SRSF5: variants seen among roughly 807,000 people sequenced by gnomAD.
SRSF5 encodes the protein serine/arginine-rich splicing factor 5.
SRSF5 carries 5 observed loss-of-function variants against 34.0 expected under a neutral mutation model. That is an observed-to-expected ratio of 0.15 (90% CI 0.08 to 0.31). The LOEUF is 0.31. Ranked by LOEUF, SRSF5 falls within the 10% of genes least tolerant of loss-of-function variation. The pLI is 1.00. For synonymous variants in SRSF5, 164 were observed against 117.7 expected, an observed-to-expected ratio of 1.39 and a Z score of -2.55; for missense variants, 223 against 351.4, an observed-to-expected ratio of 0.63 and a Z score of 2.92.
intron 3 of SRSF5, 49 bp from the exon 4 acceptor site, chr14:69,768,749 A>T (rs749680453): frequency 3.7e-6 from 6 of 1,611,876 alleles, no homozygotes; most frequent in South Asian, 2.2e-5. Context: ...TTCTAAGTAG[A>T]TTTATGTAGC....
chr14:69,770,153 G>C, intron 5 of SRSF5: 1 of 1,076,368 alleles, frequency 9.3e-7, no homozygotes. Context: ...TTAAAAATAT[G>C]TACTGTTTCC....
rs1270608134 is a variant in SRSF5 at position 69,767,482 on chromosome 14, C to T, written c.-20+227C>T. On this transcript the variant is annotated intron_variant, in intron 1 of 7. Transcript: ENST00000557154. ...TCGTTTTTACACAGCGGTTGTGCGC[C>T]CGTCCCTGCCAGTCTTAATGTCTTC... 20 of 455,814 alleles carry T rather than the reference C, an allele frequency of 4.4e-5. No homozygotes were observed. The Admixed American group carries it at 4.5e-4, about 10-fold the overall frequency. The allele number at this position is 455,814 out of a possible 1,614,324, so 28.2% of individuals were successfully genotyped here.
intron 1 of SRSF5, chr14:69,767,747 G>A (rs540241751): frequency 5.6e-6 from 2 of 356,422 alleles, no homozygotes; most frequent in African/African-American, 2.2e-5. Flanking sequence ...GCGAGATTCT[G>A]GCTTCCACCC....
At chr14:69,767,313 C>T (rs1273987917) in intron 1 of SRSF5, 58 bp downstream of exon 1, 1 of 442,262 alleles carries the variant, frequency 2.3e-6, no homozygotes, top group African/African-American at 2.1e-5. Flanking sequence ...CATGGCCGCT[C>T]AGATCGTGAG....
intron 1 of SRSF5, chr14:69,767,554 C>G (rs995280345): frequency 4.4e-5 from 20 of 455,978 alleles, no homozygotes; most frequent in African/African-American, 4.0e-4. Context: ...CCTGACTTTG[C>G]TGGCGATGCG....
At position 69,767,813 on chromosome 14, in the gene SRSF5, G is replaced by A. The variant is rs1016630151; in HGVS notation, c.-19-325G>A. 16 of 357,304 alleles carry A rather than the reference G, an allele frequency of 4.5e-5. No individual in the cohort carries two copies. In the East Asian group the frequency reaches 6.9e-4, roughly 15 times the overall value. 22.1% of individuals were successfully genotyped at this position (357,304 alleles called of 1,614,324 possible). On this transcript the variant is annotated intron_variant, in intron 1 of 7. Transcript: ENST00000557154. ...GCTGGCTTTGCGGAGGGCGCGGGCG[G>A]CTCCGCCCGCACTTCTCGGCCTTTC... is the stretch of plus-strand genomic sequence containing the variant.
chr14:69,768,683 C>T lies in SRSF5; in HGVS notation c.197+9C>T, dbSNP rs1246730478. The T allele has an allele frequency of 5.0e-6, 8 of 1,613,956 alleles. No homozygotes were observed. The highest frequency in any genetic ancestry group is 6.8e-6 in the Non-Finnish European group (8 of 1,179,838). On this transcript the variant is annotated intron_variant, in intron 3 of 7. Transcript: ENST00000557154. ...GAACTCTGTAGTGAAAGGTGAGATTCCTGTGTAACTAGATAACCCTGGGAC... is the reference window on the plus strand; with the variant it reads ...GAACTCTGTAGTGAAAGGTGAGATTTCTGTGTAACTAGATAACCCTGGGAC...
At position 69,769,264 on chromosome 14, in the gene SRSF5, AC is replaced by A. The variant is rs760386593; in HGVS notation, c.366+14del. 1.2e-6 allele frequency: 2 copies of A among 1,613,948 alleles called. No individual in the cohort carries two copies. Among genetic ancestry groups the A allele is most frequent in the Non-Finnish European group, 1.7e-6 (2 of 1,179,942 alleles). On this transcript the variant is annotated intron_variant, in intron 5 of 7. Coordinates refer to ENST00000557154, the MANE Select transcript of SRSF5 (RefSeq NM_001320214.2). Reference sequence around the variant, plus strand: ...AGTCAGCTGGCAGGTTTGTTGAAATACAGTTTTGAGTTATTTTGATGTGGCT... The same window carrying A: ...AGTCAGCTGGCAGGTTTGTTGAAATAAGTTTTGAGTTATTTTGATGTGGCT...
At position 69,768,639 on chromosome 14, in the gene SRSF5, G is replaced by A. The variant is rs1289832417; in HGVS notation, c.162G>A (p.Val54=). The A allele has an allele frequency of 9.3e-6, 15 of 1,614,224 alleles. No homozygotes were observed. Among genetic ancestry groups the A allele is most frequent in the Non-Finnish European group, 9.3e-6 (11 of 1,180,040 alleles). ...ATCCAAGGGATGCAGATGATGCTGT[G>A]TATGAGCTTGATGGAAAAGAACTCT... ...FEDPRDADDA[V]YELDGKELCS... The change falls in exon 3 of 8, where the codon GTG becomes GTA. Residue 54 remains valine, a synonymous_variant. Coordinates refer to ENST00000557154, the MANE Select transcript of SRSF5 (RefSeq NM_001320214.2).
At chr14:69,769,513 T>A in intron 5 of SRSF5, 1 of 1,535,536 alleles carries the variant, frequency 6.5e-7, no homozygotes, top group Non-Finnish European at 8.7e-7. Flanking sequence ...TTTGCCAGCC[T>A]GTCTGTGTCG....
rs917639266 is a variant in SRSF5 at position 69,770,334 on chromosome 14, C to G, written c.367-133C>G. The G allele has an allele frequency of 1.2e-5, 18 of 1,448,076 alleles. No individual in the cohort carries two copies. In the African/African-American group the frequency reaches 1.7e-4, roughly 14 times the overall value. 89.7% of individuals were successfully genotyped at this position (1,448,076 alleles called of 1,614,324 possible). On this transcript the variant is annotated intron_variant, in intron 5 of 7. Transcript: ENST00000557154. ...ATAATTTTTGAATTCTGATAGAATA[C>G]AAGTGTGGTAAATGCCATGTTTGTA... is the stretch of plus-strand genomic sequence containing the variant.
intron 6 of SRSF5, 142 bp downstream of exon 6, chr14:69,770,682 C>G (rs916329733): frequency 4.1e-5 from 32 of 777,360 alleles, no homozygotes; most frequent in Non-Finnish European, 5.4e-5. Context: ...CTCCCCCCCA[C>G]ACCTTTGGCA....
rs751132715 is a variant in SRSF5, at chr14:69,768,152, A to T, written c.-5A>T. The stretch of plus-strand genomic sequence containing the variant: ...CTTTCTAATAGGAAGTACTAGCCGG[A>T]CATCATGAGTGGCTGTCGGGTATTC... On this transcript the variant is annotated 5_prime_UTR_variant, in exon 2 of 8. Coordinates refer to ENST00000557154, the MANE Select transcript of SRSF5 (RefSeq NM_001320214.2). The T allele has an allele frequency of 1.9e-6, 3 of 1,614,060 alleles. No homozygotes were observed. In the African/African-American group the frequency reaches 4.0e-5, roughly 22 times the overall value.
Position 69,771,575 on chromosome 14 carries a change from T to G in SRSF5, c.*114T>G. On this transcript the variant is annotated 3_prime_UTR_variant, in exon 8 of 8. Coordinates refer to ENST00000557154, the MANE Select transcript of SRSF5 (RefSeq NM_001320214.2). ...TATGTGCTTTTCTGTGGGGGTGGGA[T>G]TTGGAAGGGGGGTTGGGTTGGGCTG... The G allele has an allele frequency of 1.8e-6, 2 of 1,091,412 alleles. No individual in the cohort carries two copies. Among genetic ancestry groups the G allele is most frequent in the East Asian group, 3.4e-5 (1 of 29,242 alleles). The allele number at this position is 1,091,412 out of a possible 1,614,324, so 67.6% of individuals were successfully genotyped here.
In SRSF5 at chr14:69,767,273, A is replaced by C. The variant is rs1163699514; in HGVS notation, c.-20+18A>C. On this transcript the variant is annotated intron_variant, in intron 1 of 7. Transcript: ENST00000557154. ...TCCGGTAGGTGAGTGGCTCACTTTG[A>C]GGGCAAGCCTTCTCGGATCGAGGCT... 2.0e-5 allele frequency: 8 copies of C among 399,090 alleles called. No homozygotes were observed. The East Asian group carries it at 5.7e-4, about 28-fold the overall frequency. 24.7% of individuals were successfully genotyped at this position (399,090 alleles called of 1,614,324 possible).
At position 69,768,838 on chromosome 14, in the gene SRSF5, A is replaced by G. The variant is rs775353762; in HGVS notation, c.238A>G (p.Arg80Gly). 6.8e-6 allele frequency: 11 copies of G among 1,614,126 alleles called. No individual in the cohort carries two copies. The highest frequency in any genetic ancestry group is 8.5e-7 in the Non-Finnish European group (1 of 1,180,054). The change falls in exon 4 of 8, where the codon AGA becomes GGA. Residue 80 changes from arginine (R) to glycine (G), a missense_variant. Around this residue, in one of 4 missense-constraint regions of SRSF5, gnomAD observed 44 missense variants for 44.3 expected, o/e 0.99. Transcript: ENST00000557154. ...EHARARSRGG[R>G]GRGRYSDRFS... ...TGCTAGGGCTCGGTCACGAGGTGGA[A>G]GAGGTAGAGGACGATACTCTGACCG...
Position 69,771,112 on chromosome 14 carries a change from C to CTT in SRSF5, c.551+8_551+9insTT. 1 of 1,612,930 alleles carries CTT rather than the reference C, an allele frequency of 6.2e-7. No homozygotes were observed. Among genetic ancestry groups the CTT allele is most frequent in the Non-Finnish European group, 8.5e-7 (1 of 1,179,622 alleles). ...AAGGCAGCAAAAGGCACAGGTATCT[C>CTT]TAATTTTTTAAAGTCAAAAGTTGTA... On this transcript the variant is annotated splice_region_variant and intron_variant, in intron 7 of 7. Transcript: ENST00000557154.
chr14:69,769,562 T>C (rs1566627013), intron 5 of SRSF5: 8 of 1,535,370 alleles, frequency 5.2e-6, no homozygotes, highest in Non-Finnish European at 7.0e-6. Flanking sequence ...GTTATCCTAA[T>C]CGTTGTCTTG....
At chr14:69,769,726 T>C in intron 5 of SRSF5, 2 of 1,421,282 alleles carry the variant, frequency 1.4e-6, no homozygotes, top group South Asian at 3.1e-5. Flanking sequence ...TAACGTGATC[T>C]GATCCCTAAG....
Sources: gnomAD v4.1 joint callset for allele counts on GRCh38, gnomAD v4.1.1 for gene constraint, gnomAD v4.1.1 regional missense constraint, MANE v1.5 for transcripts, NCBI Gene and HGNC (gene_info 2026-07-23, HGNC 2026-07-21) for gene names.